SEMA3C: variants seen among roughly 807,000 people sequenced by gnomAD.
SEMA3C encodes semaphorin 3C.
SEMA3C carries 47 observed loss-of-function variants against 89.4 expected under a neutral mutation model. The observed-to-expected ratio is 0.53, with a 90% CI of 0.42 to 0.67. The LOEUF (loss-of-function observed/expected upper bound fraction) is 0.67, where lower values mean the gene tolerates loss of function less well. Ranked by LOEUF, SEMA3C falls within the 30% of genes least tolerant of loss-of-function variation. SEMA3C has a pLI of 0.00. For synonymous variants in SEMA3C, 310 were observed against 320.2 expected (o/e 0.97, Z 0.34); for missense variants, 839 against 929.1 (o/e 0.90, Z 1.26).
chr7:80,810,682 T>A lies in SEMA3C; in HGVS notation c.467A>T (p.Asp156Val). The A allele has an allele frequency of 6.2e-6, 10 of 1,613,370 alleles. No homozygotes were observed. Among genetic ancestry groups the A allele is most frequent in the Non-Finnish European group, 8.5e-6 (10 of 1,179,540 alleles). ...TCCTTTTCCAGATTCACACTTGGAG[T>A]CAATCATGAAAACTTGGTCCTTTAT... ...RRSEDQVFMI[D>V]SKCESGKGRC... Residue 156 changes from aspartate to valine, a missense_variant, in exon 6 of 18, where the codon GAC becomes GTC. Physicochemically the swap from Asp to Val is radical, Grantham distance 152. Coordinates refer to ENST00000265361, the MANE Select transcript of SEMA3C (RefSeq NM_006379.5).
intron 13 of SEMA3C, among the ~76,000 whole-genome samples, chr7:80,763,798 GA>G: frequency 6.7e-6 from 1 of 148,914 alleles, no homozygotes; most frequent in Non-Finnish European, 1.5e-5. Context: ...TGAGTTGAAT[GA>G]GAAAAAAAAT....
At chr7:80,882,596 C>T (rs971062109) in intron 2 of SEMA3C, among the ~76,000 whole-genome samples, 2 of 151,900 alleles carry the variant, frequency 1.3e-5, no homozygotes, top group Non-Finnish European at 2.9e-5. Context: ...AATATTTCAG[C>T]TCAACAGGCA....
chr7:80,898,552 T>C (rs1245228225), intron 2 of SEMA3C, among the ~76,000 whole-genome samples: 1 of 152,072 alleles, frequency 6.6e-6, no homozygotes, highest in Non-Finnish European at 1.5e-5. Context: ...TCAAGCAATG[T>C]TTTTTGTGTT....
intron 2 of SEMA3C, among the ~76,000 whole-genome samples, chr7:80,863,568 A>G (rs1790826224): frequency 6.6e-6 from 1 of 151,804 alleles, no homozygotes. Flanking sequence ...GCATGCTTAT[A>G]GCAGCACAAT....
At chr7:80,814,270 A>G (rs979099638) in intron 5 of SEMA3C, among the ~76,000 whole-genome samples, 3 of 151,582 alleles carry the variant, frequency 2.0e-5, no homozygotes, top group African/African-American at 7.3e-5. Flanking sequence ...TTGTATTTTT[A>G]GTAGAGATGG....
chr7:80,754,282 A>G (rs1018366349), intron 15 of SEMA3C, among the ~76,000 whole-genome samples: 1 of 152,150 alleles, frequency 6.6e-6, no homozygotes, highest in African/African-American at 2.4e-5. Flanking sequence ...TGAGCCAATG[A>G]TATTTACCAA....
intron 2 of SEMA3C, among the ~76,000 whole-genome samples, chr7:80,841,953 A>G (rs1025920076): frequency 5.9e-5 from 9 of 152,190 alleles, no homozygotes; most frequent in African/African-American, 2.2e-4. Flanking sequence ...TGCAGAGGAC[A>G]GTGAAGACAT....
intron 13 of SEMA3C, among the ~76,000 whole-genome samples, chr7:80,763,703 G>A (rs1788236077): frequency 6.6e-6 from 1 of 152,094 alleles, no homozygotes; most frequent in Non-Finnish European, 1.5e-5. Flanking sequence ...AAAATGAAGT[G>A]CTGCTATATG....
chr7:80,783,975 C>G (rs1788745915), intron 12 of SEMA3C, among the ~76,000 whole-genome samples: 1 of 152,132 alleles, frequency 6.6e-6, no homozygotes, highest in Non-Finnish European at 1.5e-5. Context: ...TCATCTTAAA[C>G]CTCTAACACC....
intron 17 of SEMA3C, among the ~76,000 whole-genome samples, chr7:80,748,133 G>A (rs963245418): frequency 2.8e-4 from 43 of 152,150 alleles, no homozygotes; most frequent in African/African-American, 1.0e-3. Context: ...TGCACAAATG[G>A]TGGTACATTT....
upstream of SEMA3C, chr7:80,919,179 G>GC: frequency 1.1e-5 from 11 of 984,816 alleles, no homozygotes; most frequent in Non-Finnish European, 1.2e-5. Context: ...AGCCCCGGCC[G>GC]CATCTCCGCC....
Position 80,797,732 on chromosome 7 carries a change from G to A in SEMA3C, c.1131+360C>T, listed in dbSNP as rs147975117. 4.1e-3 allele frequency among the ~76,000 whole-genome samples: 631 copies of A among 152,266 alleles called. 7 individuals are homozygous for A. Among genetic ancestry groups the A allele is most frequent in the African/African-American group, 0.014 (581 of 41,550 alleles). ...ACAGATATTCAGGCCGGGTGCGGTG[G>A]CTCACGCCTGTAATCCAAGCACTTT... On this transcript the variant is annotated intron_variant, in intron 11 of 17. Transcript: ENST00000265361.
At chr7:80,888,191 T>C (rs1261025798) in intron 2 of SEMA3C, among the ~76,000 whole-genome samples, 5 of 152,048 alleles carry the variant, frequency 3.3e-5, no homozygotes, top group African/African-American at 7.2e-5. Flanking sequence ...GGCAGGAGGA[T>C]CCCTTGAGCT....
At chr7:80,894,217 C>G (rs1008734726) in intron 2 of SEMA3C, among the ~76,000 whole-genome samples, 1 of 151,824 alleles carries the variant, frequency 6.6e-6, no homozygotes, top group Non-Finnish European at 1.5e-5. Flanking sequence ...GTAGAGTATA[C>G]CATTTTTCTT....
rs1787714856 is a variant in SEMA3C, at chr7:80,742,951, A to G, written c.*1943T>C. 6.6e-6 allele frequency: 1 copy of G among 151,978 alleles called. No individual in the cohort carries two copies. The highest frequency in any genetic ancestry group is 2.4e-5 in the African/African-American group (1 of 41,438). The allele number at this position is 151,978 out of a possible 1,614,324, so 9.4% of individuals were successfully genotyped here. On this transcript the variant is annotated 3_prime_UTR_variant, in exon 18 of 18. Coordinates refer to ENST00000265361, the MANE Select transcript of SEMA3C (RefSeq NM_006379.5). The stretch of plus-strand genomic sequence containing the variant: ...ATAGAAAGAATTAAATAGCACAAAT[A>G]TAGTATAAAACTAAACACCGTTACT...
At chr7:80,902,208 C>A (rs1246758053) in intron 2 of SEMA3C, among the ~76,000 whole-genome samples, 4 of 152,146 alleles carry the variant, frequency 2.6e-5, no homozygotes, top group Admixed American at 1.3e-4. Flanking sequence ...CCACCTTGGC[C>A]TCTCAAAAGG....
At chr7:80,904,868 A>C (rs1470735144) in intron 2 of SEMA3C, among the ~76,000 whole-genome samples, 1 of 152,146 alleles carries the variant, frequency 6.6e-6, no homozygotes, top group Admixed American at 6.5e-5. Flanking sequence ...ACGTACAGCC[A>C]AGGTTGAGAA....
At chr7:80,756,388 C>T (rs947062134) in intron 15 of SEMA3C, among the ~76,000 whole-genome samples, 17 of 151,896 alleles carry the variant, frequency 1.1e-4, no homozygotes, top group East Asian at 1.9e-4. Flanking sequence ...CTCACCTAGA[C>T]GAAGACAGTA....
intron 15 of SEMA3C, among the ~76,000 whole-genome samples, chr7:80,756,320 G>T (rs1402470015): frequency 1.3e-5 from 2 of 151,826 alleles, no homozygotes; most frequent in East Asian, 3.9e-4. Context: ...TCAAGCATCA[G>T]ACCATTTTTT....
Sources: allele counts gnomAD v4.1 joint callset (sites outside exome capture counted in the v4.1 genomes callset), GRCh38; gene constraint gnomAD v4.1.1; transcripts MANE v1.5; gene names NCBI Gene and HGNC (gene_info 2026-07-23, HGNC 2026-07-21).